The following OMA1 variants were observed in gnomAD, a reference collection of about 807,000 sequenced individuals.
OMA1 encodes metalloendopeptidase OMA1, mitochondrial.
Under a neutral mutation model 30.9 loss-of-function variants are expected in OMA1, and 38 were observed. The ratio of observed to expected loss-of-function variants is 1.23; its 90% confidence interval spans 0.95 to 1.61. The LOEUF is 1.61. Among genes scored for constraint, OMA1 ranks in the 40% most tolerant of loss-of-function variants. OMA1 has a pLI of 0.00. For synonymous variants in OMA1, 173 were observed against 121.9 expected, an observed-to-expected ratio of 1.42 and a Z score of -2.76; for missense variants, 461 against 349.2, an observed-to-expected ratio of 1.32 and a Z score of -2.55.
intron 5 of OMA1, among the ~76,000 whole-genome samples, chr1:58,532,694 A>G (rs1646453774): frequency 6.6e-6 from 1 of 151,924 alleles, no homozygotes. Flanking sequence ...TGCTCAGCTA[A>G]TTTTTAAAAT....
At chr1:58,491,280 G>A (rs1645683589) in intron 8 of OMA1, among the ~76,000 whole-genome samples, 1 of 152,120 alleles carries the variant, frequency 6.6e-6, no homozygotes, top group Non-Finnish European at 1.5e-5. Context: ...AACATGGAAA[G>A]GAACAACCGG....
rs1264978263 is a variant in OMA1, at chr1:58,539,285, T to C, written c.10A>G (p.Ile4Val). 1 of 831,186 alleles carries C rather than the reference T, an allele frequency of 1.2e-6. No homozygotes were observed. The allele number at this position is 831,186 out of a possible 1,614,324, so 51.5% of individuals were successfully genotyped here. ...CTAGCAGCAGACTGCAATCCACAGA[T>C]GAAGCTCATTTTTTCACTTGACTAC... The part of the protein sequence containing the change: MSF[I>V]CGLQSAARNH... The change falls in exon 2 of 9, where the codon ATC (isoleucine) becomes GTC (valine). Residue 4 changes from isoleucine (I) to valine (V), a missense_variant. Physicochemically the swap from Ile to Val is conservative, Grantham distance 29. Transcript: ENST00000371226.
intron 8 of OMA1, among the ~76,000 whole-genome samples, chr1:58,488,488 G>A (rs1428130830): frequency 6.6e-6 from 1 of 152,064 alleles, no homozygotes; most frequent in Non-Finnish European, 1.5e-5. Flanking sequence ...TTTCACTCTT[G>A]TAGCTCACAC....
intron 5 of OMA1, among the ~76,000 whole-genome samples, chr1:58,533,456 G>A (rs1028674885): frequency 7.2e-6 from 1 of 138,720 alleles, no homozygotes; most frequent in Non-Finnish European, 1.6e-5. Flanking sequence ...AAAAAGCTCA[G>A]TAAACTGTAA....
rs190484097 is a variant in OMA1, at chr1:58,501,933, C to T, written c.1365+4127G>A. 4.6e-5 allele frequency among the ~76,000 whole-genome samples: 7 copies of T among 152,142 alleles called. No homozygotes were observed. The East Asian group carries it at 1.4e-3, about 29-fold the overall frequency. On this transcript the variant is annotated intron_variant, in intron 8 of 8. Transcript: ENST00000371226. ...CTGCCTCTCCCTCCTCACTGCCCCCCACTCCCGCCCCCAGCACCAAATTTA... is the reference window on the plus strand; with the variant it reads ...CTGCCTCTCCCTCCTCACTGCCCCCTACTCCCGCCCCCAGCACCAAATTTA...
chr1:58,535,698 T>A (rs1646506053), intron 3 of OMA1, among the ~76,000 whole-genome samples: 3 of 151,578 alleles, frequency 2.0e-5, no homozygotes, highest in Admixed American at 6.6e-5. Context: ...GCACATAACA[T>A]GTGTATGTGC....
At chr1:58,523,611 C>T (rs1007133418) in intron 7 of OMA1, among the ~76,000 whole-genome samples, 2 of 152,092 alleles carry the variant, frequency 1.3e-5, no homozygotes, top group African/African-American at 4.8e-5. Flanking sequence ...AAAGAACTGG[C>T]AGTCCTGGCC....
intron 8 of OMA1, among the ~76,000 whole-genome samples, chr1:58,488,283 T>C (rs1035489279): frequency 6.6e-6 from 1 of 152,228 alleles, no homozygotes; most frequent in Non-Finnish European, 1.5e-5. Flanking sequence ...TTAATTTTAC[T>C]ATACTATGTT....
chr1:58,505,136 G>A (rs1440053570), intron 8 of OMA1, among the ~76,000 whole-genome samples: 1 of 152,086 alleles, frequency 6.6e-6, no homozygotes, highest in Non-Finnish European at 1.5e-5. Context: ...ATTTTCAGTA[G>A]AGACAGGGTT....
chr1:58,507,990 G>C (rs1180679038), intron 7 of OMA1, among the ~76,000 whole-genome samples: 1 of 152,014 alleles, frequency 6.6e-6, no homozygotes, highest in Non-Finnish European at 1.5e-5. Context: ...CAAACCAAAG[G>C]CATACTTATC....
intron 5 of OMA1, among the ~76,000 whole-genome samples, chr1:58,533,379 T>C (rs1236728890): frequency 6.6e-6 from 1 of 152,208 alleles, no homozygotes; most frequent in Non-Finnish European, 1.5e-5. Context: ...TTCTCTTATA[T>C]AAAATAGTAA....
At chr1:58,510,616 C>T (rs988344371) in intron 7 of OMA1, among the ~76,000 whole-genome samples, 2 of 151,922 alleles carry the variant, frequency 1.3e-5, no homozygotes, top group African/African-American at 4.8e-5. Flanking sequence ...ACTGGGAGTC[C>T]TAGCCAGGGC....
intron 8 of OMA1, among the ~76,000 whole-genome samples, chr1:58,488,758 T>C (rs1645621457): frequency 6.6e-6 from 1 of 152,192 alleles, no homozygotes; most frequent in African/African-American, 2.4e-5. Flanking sequence ...CCCCAGTGTG[T>C]AGTCTTTTAC....
intron 1 of OMA1, among the ~76,000 whole-genome samples, chr1:58,540,040 A>C (rs1646581641): frequency 6.6e-6 from 1 of 152,122 alleles, no homozygotes; most frequent in African/African-American, 2.4e-5. Flanking sequence ...GGAAAGGGCC[A>C]CCTGAAAAGA....
intron 8 of OMA1, among the ~76,000 whole-genome samples, chr1:58,486,797 T>C (rs1320160467): frequency 1.3e-5 from 2 of 152,144 alleles, no homozygotes; most frequent in Non-Finnish European, 2.9e-5. Context: ...GAAGAATGTT[T>C]CAGACAGAGA....
chr1:58,518,135 G>A (rs1315319183), intron 7 of OMA1, among the ~76,000 whole-genome samples: 3 of 147,992 alleles, frequency 2.0e-5, no homozygotes, highest in African/African-American at 7.5e-5. Context: ...GCTGTGAGCT[G>A]AGATCGCGCC....
chr1:58,490,707 C>A (rs1457181612), intron 8 of OMA1, among the ~76,000 whole-genome samples: 1 of 151,350 alleles, frequency 6.6e-6, no homozygotes, highest in Admixed American at 6.6e-5. Flanking sequence ...GTCGGGTTAC[C>A]CACAAAGGGA....
intron 8 of OMA1, among the ~76,000 whole-genome samples, chr1:58,499,526 A>AT (rs2100401474): frequency 6.6e-6 from 1 of 152,210 alleles, no homozygotes; most frequent in South Asian, 2.1e-4. Context: ...AGATAGATAG[A>AT]TATTAAAAAG....
At chr1:58,493,899 C>T (rs1300365472) in intron 8 of OMA1, among the ~76,000 whole-genome samples, 2 of 150,334 alleles carry the variant, frequency 1.3e-5, no homozygotes, top group Non-Finnish European at 3.0e-5. Flanking sequence ...ACTTTCTTCA[C>T]AGAATTGGAA....
Sources: gnomAD v4.1 joint callset for allele counts (sites outside exome capture counted in the v4.1 genomes callset) on GRCh38, gnomAD v4.1.1 for gene constraint, MANE v1.5 for transcripts, NCBI Gene and HGNC (gene_info 2026-07-23, HGNC 2026-07-21) for gene names.